Variants in GLRA1 observed in about 807,000 individuals in gnomAD.
The protein encoded by GLRA1 is glycine receptor subunit alpha-1.
GLRA1 carries 37 observed loss-of-function variants against 48.3 expected under a neutral mutation model. The observed-to-expected ratio is 0.77, with a 90% CI of 0.59 to 1.01. The LOEUF (loss-of-function observed/expected upper bound fraction) is 1.01. Ranked by LOEUF, GLRA1 falls within the 50% of genes least tolerant of loss-of-function variation. The pLI, the probability that GLRA1 is intolerant of heterozygous loss-of-function variation, is 0.00. For missense variants in GLRA1, 427 were observed against 571.0 expected, an observed-to-expected ratio of 0.75 and a Z score of 2.57; for synonymous variants, 196 against 210.7, an observed-to-expected ratio of 0.93 and a Z score of 0.60.
At position 151,849,145 on chromosome 5, in the gene GLRA1, TTTC is replaced by T. The variant is rs1414518959; in HGVS notation, c.912+2242_912+2244del. On this transcript the variant is annotated intron_variant, in intron 7 of 8. Transcript: ENST00000274576. ...CTTTCTTTCTTTCTTTCTTTCTTTC[TTTC>T]TTTCTTTTCTTTTCTTTTCTTTCTT... 8.6e-3 allele frequency: 1,460 copies of T among 169,042 alleles called. 96 individuals carry two copies. Among genetic ancestry groups the T allele is most frequent in the African/African-American group, 0.062 (1,111 of 17,970 alleles). The allele number at this position is 169,042 out of a possible 1,614,324, so 10.5% of individuals were successfully genotyped here.
intron 3 of GLRA1, among the ~76,000 whole-genome samples, chr5:151,868,634 T>C (rs1328032220): frequency 6.6e-6 from 1 of 152,220 alleles, no homozygotes. Context: ...CACCTCAGTG[T>C]CATTAGGTAC....
chr5:151,907,158 A>T (rs1442122967), intron 1 of GLRA1, among the ~76,000 whole-genome samples: 1 of 151,034 alleles, frequency 6.6e-6, no homozygotes, highest in Non-Finnish European at 1.5e-5. Flanking sequence ...TCATCTATAA[A>T]CTAAGAATAT....
intron 3 of GLRA1, among the ~76,000 whole-genome samples, chr5:151,868,970 G>A (rs1229878539): frequency 6.6e-6 from 1 of 152,212 alleles, no homozygotes; most frequent in South Asian, 2.1e-4. Context: ...ACTGTAGATG[G>A]TTTGGACCAG....
chr5:151,915,020 C>G (rs1428158), intron 1 of GLRA1, among the ~76,000 whole-genome samples: 112,508 of 152,058 alleles, frequency 0.74, 42,703 homozygotes, highest in African/African-American at 0.93. Flanking sequence ...ACCCAATTTT[C>G]AATCCTAGCT....
At chr5:151,902,365 C>T (rs555509536) in intron 1 of GLRA1, among the ~76,000 whole-genome samples, 24 of 152,034 alleles carry the variant, frequency 1.6e-4, no homozygotes, top group Non-Finnish European at 2.5e-4. Flanking sequence ...GAACCAATCA[C>T]GGTACGGACA....
chr5:151,863,576 A>G (rs1753257279), intron 3 of GLRA1, among the ~76,000 whole-genome samples: 2 of 152,100 alleles, frequency 1.3e-5, no homozygotes, highest in Admixed American at 1.3e-4. Flanking sequence ...GGATCTCCCA[A>G]AGGGTCTATA....
At chr5:151,861,795 G>A (rs959534223) in intron 3 of GLRA1, among the ~76,000 whole-genome samples, 5 of 152,172 alleles carry the variant, frequency 3.3e-5, no homozygotes, top group Admixed American at 3.3e-4. Flanking sequence ...ACAAACAAAT[G>A]GAAGAACATT....
At chr5:151,849,656 G>A (rs890034907) in intron 7 of GLRA1, 4 of 185,296 alleles carry the variant, frequency 2.2e-5, no homozygotes, top group Admixed American at 1.1e-4. Flanking sequence ...AGGTTCAAGC[G>A]ATTCTCCTGC....
At chr5:151,855,250 G>A in intron 5 of GLRA1, 73 bp from the exon 6 acceptor site, 1 of 1,458,020 alleles carries the variant, frequency 6.9e-7, no homozygotes, top group South Asian at 1.1e-5. Context: ...GATTGGTTAG[G>A]GTTAGAGACT....
intron 2 of GLRA1, among the ~76,000 whole-genome samples, chr5:151,891,368 T>G (rs1166726746): frequency 1.3e-5 from 2 of 152,224 alleles, no homozygotes; most frequent in African/African-American, 4.8e-5. Context: ...TCAGGTCATC[T>G]GGAGTAGAGT....
chr5:151,834,190 T>C (rs1008416889), intron 7 of GLRA1, among the ~76,000 whole-genome samples: 14 of 152,116 alleles, frequency 9.2e-5, no homozygotes, highest in Non-Finnish European at 1.5e-4. Flanking sequence ...CAGCAACACA[T>C]CACACTTATT....
At chr5:151,909,273 G>A (rs1457228162) in intron 1 of GLRA1, among the ~76,000 whole-genome samples, 2 of 152,102 alleles carry the variant, frequency 1.3e-5, no homozygotes, top group Admixed American at 6.5e-5. Context: ...TACACAAAGG[G>A]TGACCTGATC....
At chr5:151,842,133 C>T (rs368422139) in intron 7 of GLRA1, among the ~76,000 whole-genome samples, 9 of 151,244 alleles carry the variant, frequency 6.0e-5, no homozygotes, top group Admixed American at 6.6e-5. Context: ...AATAAAAATT[C>T]GACAAAGAAT....
chr5:151,889,188 T>C (rs1753994283), intron 2 of GLRA1, among the ~76,000 whole-genome samples: 1 of 152,248 alleles, frequency 6.6e-6, no homozygotes, highest in Non-Finnish European at 1.5e-5. Context: ...TTGAAATAAA[T>C]CTGAAATTAA....
At chr5:151,918,535 A>G (rs1754793420) in intron 1 of GLRA1, among the ~76,000 whole-genome samples, 1 of 152,144 alleles carries the variant, frequency 6.6e-6, no homozygotes, top group Non-Finnish European at 1.5e-5. Flanking sequence ...TTTATTAGTT[A>G]TCCAATCCAT....
Position 151,910,786 on chromosome 5 carries a change from G to T in GLRA1, c.56+13708C>A, listed in dbSNP as rs188167131. Among the ~76,000 whole-genome samples, 164 of 152,308 alleles carry T rather than the reference G, an allele frequency of 1.1e-3. No individual in the cohort carries two copies. In the Middle Eastern group the frequency reaches 0.02, roughly 19 times the overall value. ...CACCTTGAGGGTGGAGTTGATAGTA[G>T]ACTGTTATGTGTTACCCTCTCTTGC... On this transcript the variant is annotated intron_variant, in intron 1 of 8. Transcript: ENST00000274576.
At chr5:151,856,433 G>T in intron 4 of GLRA1, 50 bp from the exon 5 acceptor site, 1 of 1,186,218 alleles carries the variant, frequency 8.4e-7, no homozygotes, top group Non-Finnish European at 1.3e-6. Flanking sequence ...CATCAGGGAG[G>T]CTGTGCCTCT....
chr5:151,860,098 T>A, intron 3 of GLRA1, 90 bp from the exon 4 acceptor site: 1 of 872,774 alleles, frequency 1.1e-6, no homozygotes, highest in South Asian at 1.4e-5. Flanking sequence ...CAGTAAAACC[T>A]TTTCTGGAGG....
chr5:151,899,215 T>C (rs1200892376), intron 1 of GLRA1, among the ~76,000 whole-genome samples: 6 of 152,162 alleles, frequency 3.9e-5, no homozygotes, highest in Non-Finnish European at 8.8e-5. Flanking sequence ...TAAGAAATTA[T>C]AAGAGGCTGC....
Sources: allele counts gnomAD v4.1 joint callset (sites outside exome capture counted in the v4.1 genomes callset), GRCh38; gene constraint gnomAD v4.1.1; transcripts MANE v1.5; gene names NCBI Gene and HGNC (gene_info 2026-07-23, HGNC 2026-07-21).